ABLIM1: variants seen among roughly 807,000 people sequenced by gnomAD.
ABLIM1 encodes actin-binding LIM protein 1.
In ABLIM1, 40 loss-of-function variants were observed where a neutral mutation model predicts 107.0. The observed-to-expected ratio is 0.37, with a 90% confidence interval of 0.29 to 0.49. The LOEUF is 0.49. Ranked by LOEUF, ABLIM1 falls within the 20% of genes least tolerant of loss-of-function variation. ABLIM1 has a pLI of 0.97. For missense variants in ABLIM1, 857 were observed against 1,008.5 expected, an observed-to-expected ratio of 0.85 and a Z score of 2.04; for synonymous variants, 357 against 357.3, an observed-to-expected ratio of 1.00 and a Z score of 0.01.
At chr10:114,638,654 C>T in intron 1 of ABLIM1, among the ~76,000 whole-genome samples, 1 of 145,928 alleles carries the variant, frequency 6.9e-6, no homozygotes. Context: ...CACACACACA[C>T]ACACACACAC....
chr10:114,558,509 A>G (rs1417906224), intron 4 of ABLIM1, among the ~76,000 whole-genome samples: 1 of 152,164 alleles, frequency 6.6e-6, no homozygotes, highest in Non-Finnish European at 1.5e-5. Context: ...GCTGGACTCA[A>G]TGGCTGATCT....
chr10:114,542,589 G>GGAAGGAGGAAGAAGGAGGAA (rs57756334), intron 6 of ABLIM1, among the ~76,000 whole-genome samples: 4 of 150,022 alleles, frequency 2.7e-5, no homozygotes, highest in African/African-American at 4.9e-5. Flanking sequence ...AGGAGGAGGA[G>GGAAGGAGGAAGAAGGAGGAA]GAAGGAGGAA....
chr10:114,672,121 C>T (rs2080281933), intron 1 of ABLIM1, among the ~76,000 whole-genome samples: 1 of 152,142 alleles, frequency 6.6e-6, no homozygotes, highest in African/African-American at 2.4e-5. Context: ...AAGTAATCCT[C>T]CCATCTTGGC....
At chr10:114,690,508 CTT>C in intron 1 of ABLIM1, 1 of 1,488,516 alleles carries the variant, frequency 6.7e-7, no homozygotes, top group Non-Finnish European at 9.4e-7. Context: ...CAACCAAATC[CTT>C]TCTCTCCCAT....
chr10:114,637,060 A>C (rs1209114216), intron 1 of ABLIM1, among the ~76,000 whole-genome samples: 2 of 126,786 alleles, frequency 1.6e-5, no homozygotes, highest in Non-Finnish European at 3.4e-5. Flanking sequence ...AAAAAAAAAG[A>C]GTGTGGAGGT....
At chr10:114,594,624 C>T (rs973810544) in intron 2 of ABLIM1, among the ~76,000 whole-genome samples, 1 of 152,122 alleles carries the variant, frequency 6.6e-6, no homozygotes, top group African/African-American at 2.4e-5. Flanking sequence ...GTGGCGAGTG[C>T]CTGTAATCCC....
chr10:114,543,417 T>C (rs1226708870), intron 6 of ABLIM1, among the ~76,000 whole-genome samples: 2 of 152,236 alleles, frequency 1.3e-5, no homozygotes, highest in Admixed American at 1.3e-4. Flanking sequence ...ATACAATATG[T>C]GGCTTTTTGT....
At chr10:114,606,488 C>A (rs1394059628) in intron 1 of ABLIM1, among the ~76,000 whole-genome samples, 1 of 152,156 alleles carries the variant, frequency 6.6e-6, no homozygotes, top group Non-Finnish European at 1.5e-5. Flanking sequence ...CCCGCCGTGG[C>A]CTCCCAAAGT....
chr10:114,650,045 C>G (rs1006412313), intron 1 of ABLIM1, among the ~76,000 whole-genome samples: 1 of 152,010 alleles, frequency 6.6e-6, no homozygotes, highest in Non-Finnish European at 1.5e-5. Flanking sequence ...TTAGTAGAGA[C>G]GGGGTTTCAC....
At chr10:114,730,397 C>CAAAAAAAAAAAAAAAAAAAAAA (rs59713925) in intron 1 of ABLIM1, among the ~76,000 whole-genome samples, 1 of 73,144 alleles carries the variant, frequency 1.4e-5, no homozygotes. Flanking sequence ...AACTCCATCT[C>CAAAAAAAAAAAAAAAAAAAAAA]AAAAAAAAAA....
At chr10:114,620,448 C>T (rs755300309) in intron 1 of ABLIM1, among the ~76,000 whole-genome samples, 14 of 152,080 alleles carry the variant, frequency 9.2e-5, no homozygotes, top group Non-Finnish European at 1.8e-4. Flanking sequence ...CTCACTCTAT[C>T]GCCCAGGCTG....
intron 4 of ABLIM1, among the ~76,000 whole-genome samples, chr10:114,561,532 T>A (rs2069699018): frequency 6.6e-6 from 1 of 152,188 alleles, no homozygotes; most frequent in African/African-American, 2.4e-5. Flanking sequence ...AGCCACCCAG[T>A]TCTCTCTCTC....
At chr10:114,789,386 G>A in the ABLIM1 span, among the ~76,000 whole-genome samples, 2 of 152,172 alleles carry the variant, frequency 1.3e-5, no homozygotes, top group Non-Finnish European at 2.9e-5. Flanking sequence ...AGGCATGTAC[G>A]ACCATTCATG....
intron 1 of ABLIM1, among the ~76,000 whole-genome samples, chr10:114,654,778 A>G (rs1386299050): frequency 2.0e-5 from 3 of 152,178 alleles, no homozygotes; most frequent in African/African-American, 4.8e-5. Flanking sequence ...TCCTCTTCAC[A>G]GATCTCTCTA....
At chr10:114,491,010 G>GTATATA (rs1484101683) in intron 7 of ABLIM1, among the ~76,000 whole-genome samples, 94 of 89,174 alleles carry the variant, frequency 1.1e-3, no homozygotes, top group South Asian at 2.3e-3. Flanking sequence ...GTGTGTGTGT[G>GTATATA]TGTATATATA....
intron 7 of ABLIM1, among the ~76,000 whole-genome samples, chr10:114,491,272 A>C (rs2058964028): frequency 6.6e-6 from 1 of 151,642 alleles, no homozygotes; most frequent in African/African-American, 2.4e-5. Flanking sequence ...TAATCAACTT[A>C]ATGGGGTGAA....
chr10:114,762,135 C>A (rs2082762882), intron 1 of ABLIM1, among the ~76,000 whole-genome samples: 1 of 152,098 alleles, frequency 6.6e-6, no homozygotes, highest in South Asian at 2.1e-4. Context: ...CAGGTTCACA[C>A]CATTCTTCTG....
At chr10:114,639,770 T>C (rs2078652390) in intron 1 of ABLIM1, among the ~76,000 whole-genome samples, 1 of 152,222 alleles carries the variant, frequency 6.6e-6, no homozygotes, top group Non-Finnish European at 1.5e-5. Flanking sequence ...GTAAGTGAAG[T>C]CTGATGGGAG....
chr10:114,774,605 T>C, the ABLIM1 span, among the ~76,000 whole-genome samples: 1 of 152,148 alleles, frequency 6.6e-6, no homozygotes, highest in Non-Finnish European at 1.5e-5. Flanking sequence ...TGCCCATTGG[T>C]AGGGCTCCTA....
Sources: allele counts gnomAD v4.1 joint callset (sites outside exome capture counted in the v4.1 genomes callset), GRCh38; gene constraint gnomAD v4.1.1; transcripts MANE v1.5; gene names NCBI Gene and HGNC (gene_info 2026-07-23, HGNC 2026-07-21).